The following GLYR1 variants were observed in gnomAD, a reference collection of about 807,000 sequenced individuals.
GLYR1 encodes the protein cytokine-like nuclear factor N-PAC.
In GLYR1, 21 loss-of-function variants were observed where a neutral mutation model predicts 72.7. The ratio of observed to expected loss-of-function variants is 0.29; its 90% confidence interval spans 0.20 to 0.42. GLYR1 has a LOEUF of 0.42. GLYR1 is among the 10% of genes least tolerant of loss of function. The probability of loss-of-function intolerance (pLI) is 1.00; values close to 1 mark genes in which losing one functional copy is unlikely to be tolerated. For missense variants in GLYR1, 594 were observed against 712.1 expected (o/e 0.83, Z 1.89); for synonymous variants, 392 against 270.2 (o/e 1.45, Z -4.42).
chr16:4,845,302 G>A (rs1019563126), intron 2 of GLYR1, 149 bp from the exon 3 acceptor site: 2 of 603,306 alleles, frequency 3.3e-6, no homozygotes, highest in Non-Finnish European at 5.9e-6. Flanking sequence ...ATACAAAACA[G>A]AACCCAAGGC....
chr16:4,827,540 G>C (rs940789836), intron 5 of GLYR1, among the ~76,000 whole-genome samples: 2 of 151,606 alleles, frequency 1.3e-5, no homozygotes, highest in Admixed American at 1.3e-4. Context: ...GACACACCTC[G>C]TTTTATTATG....
intron 5 of GLYR1, among the ~76,000 whole-genome samples, chr16:4,825,125 G>C (rs1220563270): frequency 6.6e-6 from 1 of 152,144 alleles, no homozygotes. Context: ...CTACACAGCA[G>C]CCAGAGTCAG....
At chr16:4,826,254 C>T (rs575883991) in intron 5 of GLYR1, among the ~76,000 whole-genome samples, 4 of 152,206 alleles carry the variant, frequency 2.6e-5, no homozygotes, top group African/African-American at 9.6e-5. Context: ...TATTTATTTG[C>T]AATTATTTGT....
At chr16:4,821,183 C>T in intron 9 of GLYR1, 197 bp downstream of exon 9, 1 of 625,596 alleles carries the variant, frequency 1.6e-6, no homozygotes, top group Non-Finnish European at 2.8e-6. Context: ...AGCTTATGCC[C>T]AAGGGAGACC....
Position 4,832,184 on chromosome 16 carries a change from C to A in GLYR1, c.332G>T (p.Arg111Leu). 6.2e-7 allele frequency: 1 copy of A among 1,614,130 alleles called. No individual in the cohort carries two copies. The highest frequency in any genetic ancestry group is 1.3e-5 in the African/African-American group (1 of 75,030). The change falls in exon 5 of 16, where the codon CGT becomes CTT. Residue 111 changes from arginine to leucine, a missense_variant. Around this residue, in one of 5 missense-constraint regions of GLYR1, gnomAD observed 252 missense variants for 211.3 expected, o/e 1.19. Coordinates refer to ENST00000321919, the MANE Select transcript of GLYR1 (RefSeq NM_032569.4). ...SHNSSDDKNRRNSSEERSRPN... is the reference protein window; with the variant it reads ...SHNSSDDKNRLNSSEERSRPN... ...CCTACTTCTCTCCTCACTGGAATTACGTCGATTCTTGTCATCAGAAGAATT... is the reference window on the plus strand; with the variant it reads ...CCTACTTCTCTCCTCACTGGAATTAAGTCGATTCTTGTCATCAGAAGAATT...
At chr16:4,814,777 T>C in intron 10 of GLYR1, 130 bp from the exon 11 acceptor site, 1 of 705,966 alleles carries the variant, frequency 1.4e-6, no homozygotes, top group Non-Finnish European at 2.4e-6. Flanking sequence ...GGAGCCTGGG[T>C]CATGGAGATA....
intron 15 of GLYR1, among the ~76,000 whole-genome samples, chr16:4,807,217 T>C (rs889420700): frequency 6.6e-6 from 1 of 151,522 alleles, no homozygotes; most frequent in Middle Eastern, 3.4e-3. Flanking sequence ...GTTCAAGTGA[T>C]TCTCCTGTCC....
At chr16:4,825,558 A>T (rs188910122) in intron 5 of GLYR1, among the ~76,000 whole-genome samples, 2 of 152,366 alleles carry the variant, frequency 1.3e-5, no homozygotes, top group East Asian at 3.9e-4. Flanking sequence ...ATGCCTTCAT[A>T]GGGCTTACTA....
chr16:4,814,935 C>A (rs1265163510), intron 10 of GLYR1, among the ~76,000 whole-genome samples: 2 of 152,154 alleles, frequency 1.3e-5, no homozygotes, highest in Non-Finnish European at 2.9e-5. Context: ...TAGCACCTCT[C>A]CCCAGCCCCC....
At chr16:4,805,476 G>A (rs973223764) in intron 15 of GLYR1, among the ~76,000 whole-genome samples, 166 bp from the exon 16 acceptor site, 1 of 152,190 alleles carries the variant, frequency 6.6e-6, no homozygotes, top group African/African-American at 2.4e-5. Context: ...CCGTTTCTCT[G>A]GACCTCAGCC....
At chr16:4,811,518 G>C in intron 14 of GLYR1, 105 bp downstream of exon 14, 1 of 1,427,624 alleles carries the variant, frequency 7.0e-7, no homozygotes, top group Non-Finnish European at 9.7e-7. Flanking sequence ...GCCAGGGTCA[G>C]GGACTGACTG....
In GLYR1 at chr16:4,814,522, G is replaced by A; in HGVS notation, c.1017+15C>T. 1.2e-6 allele frequency: 2 copies of A among 1,604,080 alleles called. No homozygotes were observed. The highest frequency in any genetic ancestry group is 1.3e-5 in the African/African-American group (1 of 74,818). ...TGTGACCCGGAGTTGCTGAGGGGAG[G>A]GAGGGGGTCCTTACGTCCTTGGCCG... On this transcript the variant is annotated intron_variant, in intron 11 of 15. Coordinates refer to ENST00000321919, the MANE Select transcript of GLYR1 (RefSeq NM_032569.4).
intron 3 of GLYR1, chr16:4,833,253 A>G (rs1170909363): frequency 5.6e-6 from 1 of 178,040 alleles, no homozygotes; most frequent in African/African-American, 2.3e-5. Flanking sequence ...CTCAGGGCAG[A>G]AAGAAATCTG....
intron 3 of GLYR1, among the ~76,000 whole-genome samples, chr16:4,837,234 C>T (rs553080087): frequency 1.4e-4 from 21 of 152,082 alleles, no homozygotes; most frequent in Non-Finnish European, 2.8e-4. Context: ...GAATTCGACA[C>T]CAGCCTGGCC....
chr16:4,810,239 GTAAT>G (rs2083248320), intron 15 of GLYR1, among the ~76,000 whole-genome samples: 2 of 127,824 alleles, frequency 1.6e-5, no homozygotes, highest in Non-Finnish European at 3.6e-5. Flanking sequence ...GCTCACACCT[GTAAT>G]CCCAGCACTT....
At chr16:4,814,462 G>A (rs2083501624) in intron 11 of GLYR1, 75 bp downstream of exon 11, 1 of 1,065,496 alleles carries the variant, frequency 9.4e-7, no homozygotes, top group East Asian at 2.4e-5. Context: ...TGGTGTGCAG[G>A]GGAGGAGGGG....
chr16:4,810,902 C>T (rs1188402265), intron 15 of GLYR1, among the ~76,000 whole-genome samples: 1 of 151,410 alleles, frequency 6.6e-6, no homozygotes, highest in Non-Finnish European at 1.5e-5. Context: ...GTCAGGAGTT[C>T]GAGACCAGCC....
chr16:4,828,090 G>C (rs1227705203), intron 5 of GLYR1, among the ~76,000 whole-genome samples: 1 of 151,074 alleles, frequency 6.6e-6, no homozygotes, highest in African/African-American at 2.4e-5. Flanking sequence ...ATTTTTTTGA[G>C]ATGGAGTCTC....
At chr16:4,815,952 T>C (rs1317400808) in intron 10 of GLYR1, among the ~76,000 whole-genome samples, 1 of 151,930 alleles carries the variant, frequency 6.6e-6, no homozygotes, top group African/African-American at 2.4e-5. Flanking sequence ...CGGCTAATTT[T>C]TCGTATTTTT....
Sources: gnomAD v4.1 joint callset for allele counts (sites outside exome capture counted in the v4.1 genomes callset) on GRCh38, gnomAD v4.1.1 for gene constraint, gnomAD v4.1.1 regional missense constraint, MANE v1.5 for transcripts, NCBI Gene and HGNC (gene_info 2026-07-23, HGNC 2026-07-21) for gene names.